The following MROH1 variants were observed in gnomAD, a reference collection of about 807,000 sequenced individuals.
The protein encoded by MROH1 is maestro heat like repeat family member 1, also known as maestro heat-like repeat-containing protein family member 1.
Under a neutral mutation model 116.5 loss-of-function variants are expected in MROH1, and 117 were observed. The observed-to-expected ratio is 1.00, with a 90% CI of 0.86 to 1.17. MROH1 has a LOEUF of 1.17. Ranked by LOEUF, MROH1 falls within the 50% of genes most tolerant of loss-of-function variation. MROH1 has a pLI of 0.00. For synonymous variants in MROH1, 921 were observed against 583.9 expected, an observed-to-expected ratio of 1.58 and a Z score of -8.32; for missense variants, 1,873 against 1,338.5, an observed-to-expected ratio of 1.40 and a Z score of -6.23.
At chr8:144,218,316 A>G (rs1835726338) in intron 12 of MROH1, among the ~76,000 whole-genome samples, 1 of 151,960 alleles carries the variant, frequency 6.6e-6, no homozygotes, top group Non-Finnish European at 1.5e-5. Context: ...TCCCCATGCC[A>G]GTTTCTCCAG....
At chr8:144,159,055 C>G (rs1020533118) in intron 1 of MROH1, among the ~76,000 whole-genome samples, 2 of 152,118 alleles carry the variant, frequency 1.3e-5, no homozygotes, top group African/African-American at 4.8e-5. Flanking sequence ...TTTCTGTTCA[C>G]TTGTTCTAAC....
chr8:144,245,056 G>T, intron 28 of MROH1, 100 bp from the exon 29 acceptor site: 1 of 768,766 alleles, frequency 1.3e-6, no homozygotes. Flanking sequence ...GCCCAGGAAG[G>T]ATGGCCTGGC....
chr8:144,186,541 G>A (rs965171996), intron 7 of MROH1, among the ~76,000 whole-genome samples: 2 of 152,174 alleles, frequency 1.3e-5, no homozygotes, highest in African/African-American at 2.4e-5. Context: ...ATGGTTTCAG[G>A]TGCCTTTGCT....
intron 1 of MROH1, among the ~76,000 whole-genome samples, chr8:144,154,727 G>A (rs1430216953): frequency 1.3e-5 from 2 of 150,984 alleles, no homozygotes; most frequent in African/African-American, 4.9e-5. Flanking sequence ...GTGTACAATG[G>A]CATGATCTCA....
intron 12 of MROH1, among the ~76,000 whole-genome samples, chr8:144,211,436 G>T (rs560665037): frequency 6.6e-6 from 1 of 152,240 alleles, no homozygotes; most frequent in South Asian, 2.1e-4. Context: ...TATAAGAAAG[G>T]CAGGGTTGGC....
At chr8:144,241,150 G>A (rs1418924212) in intron 21 of MROH1, 39 bp downstream of exon 21, 4 of 725,916 alleles carry the variant, frequency 5.5e-6, no homozygotes, top group Non-Finnish European at 1.0e-5. Context: ...AGACACCCCA[G>A]GGCTGGAGGA....
chr8:144,238,995 C>T (rs1387102714), intron 15 of MROH1, 40 bp from the exon 16 acceptor site: 10 of 774,786 alleles, frequency 1.3e-5, no homozygotes, highest in African/African-American at 1.0e-4. Context: ...CATGGGACCG[C>T]CCTCTGGGCG....
Position 144,240,117 on chromosome 8 carries a change from C to G in MROH1, c.1791C>G (p.Thr597=). The change falls in exon 19 of 44, where the codon ACC becomes ACG. Residue 597 remains threonine (T), a synonymous_variant. Coordinates refer to ENST00000326134, the MANE Select transcript of MROH1 (RefSeq NM_032450.3). Reference sequence around the variant, plus strand: ...TCGTTTCAGAGCACACAGAAGAGACCCTGCCACAGGAGGAGTGGGAGGAGA... The same window carrying G: ...TCGTTTCAGAGCACACAGAAGAGACGCTGCCACAGGAGGAGTGGGAGGAGA... ...LGYLDEHTEE[T]LPQEEWEEKL... is the part of the protein sequence containing the mutation. 1 of 778,900 alleles carries G rather than the reference C, an allele frequency of 1.3e-6. No individual in the cohort carries two copies. The highest frequency in any genetic ancestry group is 2.4e-6 in the Non-Finnish European group (1 of 417,132). 48.2% of individuals were successfully genotyped at this position (778,900 alleles called of 1,614,324 possible).
chr8:144,191,104 CTG>C (rs1447713397), intron 8 of MROH1, among the ~76,000 whole-genome samples, 169 bp downstream of exon 8: 3 of 152,132 alleles, frequency 2.0e-5, no homozygotes, highest in Non-Finnish European at 4.4e-5. Flanking sequence ...GAGTCTCACT[CTG>C]TCACCCAGGC....
At chr8:144,240,752 T>A (rs1840836619) in intron 20 of MROH1, 75 bp downstream of exon 20, 1 of 702,064 alleles carries the variant, frequency 1.4e-6, no homozygotes, top group African/African-American at 1.8e-5. Flanking sequence ...TCACTTGCTG[T>A]CTGGGCCCTG....
intron 14 of MROH1, among the ~76,000 whole-genome samples, chr8:144,238,164 CTGT>C (rs1357972139): frequency 6.9e-6 from 1 of 145,030 alleles, no homozygotes; most frequent in Non-Finnish European, 1.5e-5. Flanking sequence ...CTAAATATCA[CTGT>C]TTTTTTTTTT....
Position 144,258,904 on chromosome 8 carries a change from A to T in MROH1, c.3919A>T (p.Arg1307Trp). ...GGCGGGGCATGAGGAGGGGGCCACC[A>T]GGTTGGCCAGGTGAGCGGGCCCAGC... ...TSAGHEEGAT[R>W]LARAMAEHAG... The change falls in exon 36 of 44, where the codon AGG (arginine) becomes TGG (tryptophan). Residue 1307 changes from arginine (R) to tryptophan (W), a missense_variant. Coordinates refer to ENST00000326134, the MANE Select transcript of MROH1 (RefSeq NM_032450.3). The T allele has an allele frequency of 1.3e-6, 1 of 752,460 alleles. No homozygotes were observed. Among genetic ancestry groups the T allele is most frequent in the Non-Finnish European group, 2.5e-6 (1 of 405,500 alleles). The allele number at this position is 752,460 out of a possible 1,614,324, so 46.6% of individuals were successfully genotyped here.
intron 4 of MROH1, among the ~76,000 whole-genome samples, chr8:144,174,457 T>C (rs1210402226): frequency 2.0e-5 from 3 of 151,072 alleles, no homozygotes; most frequent in African/African-American, 7.3e-5. Flanking sequence ...AAACCAACCC[T>C]GGAACACAAG....
At chr8:144,181,170 G>C (rs1267786661) in intron 7 of MROH1, among the ~76,000 whole-genome samples, 1 of 151,652 alleles carries the variant, frequency 6.6e-6, no homozygotes, top group African/African-American at 2.4e-5. Flanking sequence ...CCTGGTAGCT[G>C]GCCGGGAGGA....
intron 7 of MROH1, among the ~76,000 whole-genome samples, chr8:144,186,650 A>G (rs891209994): frequency 6.6e-6 from 1 of 152,190 alleles, no homozygotes; most frequent in African/African-American, 2.4e-5. Flanking sequence ...AACAAAATCC[A>G]TATTGCCTGG....
intron 3 of MROH1, among the ~76,000 whole-genome samples, chr8:144,167,484 C>T (rs529539667): frequency 3.0e-4 from 36 of 118,656 alleles, no homozygotes; most frequent in Non-Finnish European, 4.6e-4. Flanking sequence ...GTGGAGTGGC[C>T]GGTTGTTGGG....
In MROH1 at chr8:144,163,526, C is replaced by A. The variant is rs577589918; in HGVS notation, c.-56-245C>A. Among the ~76,000 whole-genome samples, 65 of 152,204 alleles carry A rather than the reference C, an allele frequency of 4.3e-4. 3 individuals carry two copies. In the South Asian group the frequency reaches 0.013, roughly 30 times the overall value. On this transcript the variant is annotated intron_variant, in intron 2 of 43. Transcript: ENST00000326134. This position sits in a 1 kb window ranked among gnomAD's most constrained non-coding sequence, Gnocchi z 4.4. ...ACACTGTGGGCCAGCTGTGGACAAGCCTGTGCAGGCCAGTGAGGTGCTGGT... is the reference window on the plus strand; with the variant it reads ...ACACTGTGGGCCAGCTGTGGACAAGACTGTGCAGGCCAGTGAGGTGCTGGT...
intron 14 of MROH1, 28 bp from the exon 15 acceptor site, chr8:144,238,728 C>T: frequency 1.3e-6 from 1 of 767,528 alleles, no homozygotes; most frequent in Non-Finnish European, 2.4e-6. Flanking sequence ...GCCGCCCACG[C>T]ACGCCTTTGC....
intron 32 of MROH1, among the ~76,000 whole-genome samples, 191 bp downstream of exon 32, chr8:144,249,220 C>A (rs1842428915): frequency 6.6e-6 from 1 of 152,168 alleles, no homozygotes; most frequent in Non-Finnish European, 1.5e-5. Flanking sequence ...CTGCTCTGCC[C>A]CCTCTCCCTA....
Sources: gnomAD v4.1 joint callset for allele counts (sites outside exome capture counted in the v4.1 genomes callset) on GRCh38, gnomAD v4.1.1 for gene constraint, Gnocchi (gnomAD v3.1) non-coding constraint, MANE v1.5 for transcripts, NCBI Gene and HGNC (gene_info 2026-07-23, HGNC 2026-07-21) for gene names.